Variants in KCNIP4 observed in about 807,000 individuals in gnomAD.
KCNIP4 encodes Kv channel-interacting protein 4.
In KCNIP4, 12 loss-of-function variants were observed where a neutral mutation model predicts 34.0. The observed-to-expected ratio is 0.35, with a 90% CI of 0.23 to 0.57. The LOEUF is 0.57. Among genes scored for constraint, KCNIP4 ranks in the 20% least tolerant of loss-of-function variants. The pLI, the probability that KCNIP4 is intolerant of heterozygous loss-of-function variation, is 0.83. For missense variants in KCNIP4, 238 were observed against 311.7 expected, an observed-to-expected ratio of 0.76 and a Z score of 1.78; for synonymous variants, 124 against 102.2, an observed-to-expected ratio of 1.21 and a Z score of -1.29.
At chr4:20,844,251 G>A (rs2149475560) in intron 3 of KCNIP4, among the ~76,000 whole-genome samples, 1 of 152,278 alleles carries the variant, frequency 6.6e-6, no homozygotes, top group South Asian at 2.1e-4. Context: ...AGGCTTATAG[G>A]CAATCTTCCC....
At chr4:21,140,601 T>C (rs1310867761) in intron 1 of KCNIP4, among the ~76,000 whole-genome samples, 1 of 152,164 alleles carries the variant, frequency 6.6e-6, no homozygotes, top group Non-Finnish European at 1.5e-5. Context: ...TTAATAATAA[T>C]AATACATAAA....
At chr4:21,338,020 A>T (rs1716348834) in intron 1 of KCNIP4, among the ~76,000 whole-genome samples, 1 of 152,036 alleles carries the variant, frequency 6.6e-6, no homozygotes, top group South Asian at 2.1e-4. Context: ...TTTCTGCTCC[A>T]CCATTCTGGA....
At chr4:21,866,544 A>G (rs1007473326) in intron 1 of KCNIP4, among the ~76,000 whole-genome samples, 1 of 152,128 alleles carries the variant, frequency 6.6e-6, no homozygotes, top group Non-Finnish European at 1.5e-5. Flanking sequence ...ATCTACACTT[A>G]AAGAGTAGGA....
At chr4:21,884,555 C>A (rs777279380) in intron 1 of KCNIP4, among the ~76,000 whole-genome samples, 1 of 151,948 alleles carries the variant, frequency 6.6e-6, no homozygotes, top group East Asian at 1.9e-4. Flanking sequence ...AATGGAGCTA[C>A]CATTGAGGGC....
chr4:21,360,917 CACAAA>C (rs202200080), intron 1 of KCNIP4, among the ~76,000 whole-genome samples: 2,061 of 152,144 alleles, frequency 0.014, 33 homozygotes, highest in Non-Finnish European at 0.019. Flanking sequence ...GTTTCAAGTC[CACAAA>C]TCCATTTAAT....
At chr4:21,583,797 G>A (rs1056879388) in intron 1 of KCNIP4, among the ~76,000 whole-genome samples, 4 of 151,980 alleles carry the variant, frequency 2.6e-5, no homozygotes, top group African/African-American at 4.8e-5. Flanking sequence ...GAAAAATCAA[G>A]ATGGTGCTTC....
intron 1 of KCNIP4, among the ~76,000 whole-genome samples, chr4:21,111,732 G>A (rs1283866321): frequency 1.3e-5 from 2 of 152,172 alleles, no homozygotes; most frequent in Admixed American, 1.3e-4. Flanking sequence ...GGGTGGCTCA[G>A]AGTGCTGCCG....
At chr4:21,457,278 C>T (rs1729033248) in intron 1 of KCNIP4, among the ~76,000 whole-genome samples, 1 of 152,056 alleles carries the variant, frequency 6.6e-6, no homozygotes, top group East Asian at 1.9e-4. Flanking sequence ...GGGCTGTATT[C>T]CATGATCTCT....
At chr4:21,941,121 T>C (rs1307878695) in intron 1 of KCNIP4, among the ~76,000 whole-genome samples, 1 of 152,236 alleles carries the variant, frequency 6.6e-6, no homozygotes, top group African/African-American at 2.4e-5. Context: ...GCAGAATATC[T>C]ATTTGGAGAT....
intron 1 of KCNIP4, among the ~76,000 whole-genome samples, chr4:21,728,751 G>A (rs1715380485): frequency 1.3e-5 from 2 of 152,084 alleles, no homozygotes; most frequent in Non-Finnish European, 2.9e-5. Context: ...TCAGGAGTTT[G>A]CCTTTGAGGA....
intron 1 of KCNIP4, among the ~76,000 whole-genome samples, chr4:21,427,774 A>C (rs1348808362): frequency 6.6e-6 from 1 of 152,188 alleles, no homozygotes; most frequent in African/African-American, 2.4e-5. Context: ...AGAAGCAGGA[A>C]ATGAATTTCG....
chr4:21,472,535 G>T (rs999667897), intron 1 of KCNIP4, among the ~76,000 whole-genome samples: 2 of 152,104 alleles, frequency 1.3e-5, no homozygotes, highest in Admixed American at 6.6e-5. Context: ...TAGATGATGA[G>T]GTTTTTGAGG....
chr4:21,502,486 G>T (rs570859518), intron 1 of KCNIP4, among the ~76,000 whole-genome samples: 2 of 152,046 alleles, frequency 1.3e-5, no homozygotes, highest in African/African-American at 4.8e-5. Context: ...CAAATCCCCA[G>T]ATATCAGGTT....
intron 1 of KCNIP4, among the ~76,000 whole-genome samples, chr4:21,008,011 GT>G (rs1172501200): frequency 1.3e-5 from 2 of 152,146 alleles, no homozygotes; most frequent in Admixed American, 6.5e-5. Flanking sequence ...GAAATAAAAT[GT>G]CCCCCCTGTC....
chr4:21,565,077 G>A (rs1380813), intron 1 of KCNIP4, among the ~76,000 whole-genome samples: 9,934 of 152,180 alleles, frequency 0.065, 379 homozygotes, highest in Non-Finnish European at 0.089. Context: ...AAGGCAAGTT[G>A]CATACAATGG....
chr4:21,892,743 C>A (rs1727179339), intron 1 of KCNIP4, among the ~76,000 whole-genome samples: 1 of 151,976 alleles, frequency 6.6e-6, no homozygotes, highest in Non-Finnish European at 1.5e-5. Context: ...TTATAAAGTT[C>A]TGTACAACTG....
intron 1 of KCNIP4, among the ~76,000 whole-genome samples, chr4:21,528,978 T>C (rs958015773): frequency 7.2e-5 from 11 of 152,072 alleles, no homozygotes; most frequent in African/African-American, 2.4e-4. Context: ...AAAAGCCTGC[T>C]TAGGATTTCT....
At chr4:20,759,888 T>G (rs6817475) in intron 3 of KCNIP4, among the ~76,000 whole-genome samples, 52,404 of 151,842 alleles carry the variant, frequency 0.35, 9,496 homozygotes, top group African/African-American at 0.45. Context: ...CTTGTTATCC[T>G]TGGGGCATTG....
At chr4:21,432,404 G>T (rs1223811851) in intron 1 of KCNIP4, among the ~76,000 whole-genome samples, 1 of 151,692 alleles carries the variant, frequency 6.6e-6, no homozygotes, top group Admixed American at 6.6e-5. Flanking sequence ...TTCCCACAAA[G>T]TACTTAAGGA....
Sources: allele counts gnomAD v4.1 joint callset (sites outside exome capture counted in the v4.1 genomes callset), GRCh38; gene constraint gnomAD v4.1.1; transcripts MANE v1.5; gene names NCBI Gene and HGNC (gene_info 2026-07-23, HGNC 2026-07-21).